The following GNA14 variants were observed in gnomAD, a reference collection of about 807,000 sequenced individuals.
GNA14 encodes the protein G protein subunit alpha 14, also known as guanine nucleotide-binding protein subunit alpha-14.
A neutral mutation model predicts 42.0 loss-of-function variants in GNA14; 50 were observed. The observed-to-expected ratio is 1.19, with a 90% CI of 0.95 to 1.51. GNA14 has a LOEUF of 1.51. Ranked by LOEUF, GNA14 falls within the 40% of genes most tolerant of loss-of-function variation. The pLI, the probability that GNA14 is intolerant of heterozygous loss-of-function variation, is 0.00. For missense variants in GNA14, 473 were observed against 446.2 expected (o/e 1.06, Z -0.54); for synonymous variants, 173 against 163.1 (o/e 1.06, Z -0.46).
intron 2 of GNA14, among the ~76,000 whole-genome samples, chr9:77,474,323 A>T (rs1836380587): frequency 6.6e-6 from 1 of 152,232 alleles, no homozygotes; most frequent in African/African-American, 2.4e-5. Context: ...ATAAGAATGC[A>T]ATTTTAAAAT....
intron 2 of GNA14, among the ~76,000 whole-genome samples, chr9:77,440,253 A>T (rs911294577): frequency 3.9e-5 from 6 of 152,214 alleles, no homozygotes; most frequent in African/African-American, 1.4e-4. Context: ...CAGTAAAAGG[A>T]GCTGCTGATG....
rs546464948 is a variant in GNA14, at chr9:77,506,090, C to T, written c.309+22979G>A. Among the ~76,000 whole-genome samples the T allele has an allele frequency of 4.2e-4, 64 of 151,218 alleles. No homozygotes were observed. In the South Asian group the frequency reaches 0.013, roughly 31 times the overall value. ...ATTAGTCTGGACCACACAGAGAGAC[C>T]CCATCCTCTACAAAAAAAAAATAAT... is the stretch of plus-strand genomic sequence containing the variant. On this transcript the variant is annotated intron_variant, in intron 2 of 6. Transcript: ENST00000341700.
intron 1 of GNA14, among the ~76,000 whole-genome samples, chr9:77,625,639 T>G (rs571352483): frequency 1.5e-3 from 236 of 152,280 alleles, no homozygotes; most frequent in African/African-American, 4.5e-3. Flanking sequence ...CAAACTAAGC[T>G]TCATAAGCAA....
intron 2 of GNA14, among the ~76,000 whole-genome samples, chr9:77,473,611 A>ATTT (rs200957339): frequency 1.1e-4 from 14 of 132,558 alleles, no homozygotes; most frequent in African/African-American, 2.7e-4. Flanking sequence ...TTTCACCTGG[A>ATTT]TTTTTTTTTT....
At chr9:77,635,749 C>T (rs181034490) in intron 1 of GNA14, among the ~76,000 whole-genome samples, 1 of 152,120 alleles carries the variant, frequency 6.6e-6, no homozygotes, top group Non-Finnish European at 1.5e-5. Flanking sequence ...GCCTTAGAAA[C>T]TAGGAAATTC....
intron 1 of GNA14, among the ~76,000 whole-genome samples, chr9:77,636,374 T>C (rs1019979919): frequency 7.2e-5 from 11 of 152,184 alleles, no homozygotes; most frequent in African/African-American, 2.7e-4. Flanking sequence ...CACAAAATAT[T>C]AGAATTTGTC....
At chr9:77,446,685 G>A (rs368176466) in intron 2 of GNA14, among the ~76,000 whole-genome samples, 77 of 152,302 alleles carry the variant, frequency 5.1e-4, no homozygotes, top group African/African-American at 1.7e-3. Context: ...GAATGACTGT[G>A]GAGCAGAGCC....
chr9:77,618,144 A>C (rs1005568891), intron 1 of GNA14, among the ~76,000 whole-genome samples: 20 of 152,052 alleles, frequency 1.3e-4, no homozygotes, highest in Admixed American at 2.0e-4. Flanking sequence ...TTGATTTAAA[A>C]AACAACAACA....
intron 1 of GNA14, among the ~76,000 whole-genome samples, chr9:77,570,339 T>C (rs760645236): frequency 1.3e-5 from 2 of 152,150 alleles, no homozygotes; most frequent in Admixed American, 6.5e-5. Context: ...GAACATCTTA[T>C]CATGTTTTAA....
At chr9:77,625,039 A>C (rs564576984) in intron 1 of GNA14, among the ~76,000 whole-genome samples, 44 of 152,170 alleles carry the variant, frequency 2.9e-4, no homozygotes, top group African/African-American at 1.0e-3. Flanking sequence ...TAACTAGAAT[A>C]AACAGTTTAG....
At chr9:77,491,061 G>A (rs369386472) in intron 2 of GNA14, among the ~76,000 whole-genome samples, 5 of 152,232 alleles carry the variant, frequency 3.3e-5, no homozygotes, top group East Asian at 1.9e-4. Context: ...GGAGGAAGTC[G>A]AATGACATTT....
intron 2 of GNA14, among the ~76,000 whole-genome samples, chr9:77,501,424 G>A (rs1002749956): frequency 6.6e-6 from 1 of 152,060 alleles, no homozygotes; most frequent in African/African-American, 2.4e-5. Flanking sequence ...ACCTCATTGT[G>A]ATTTTAATTT....
At chr9:77,489,765 G>C (rs184588405) in intron 2 of GNA14, among the ~76,000 whole-genome samples, 1 of 152,200 alleles carries the variant, frequency 6.6e-6, no homozygotes, top group Middle Eastern at 3.4e-3. Flanking sequence ...TCGTGGTCTC[G>C]CTGGGCTCAG....
chr9:77,542,151 G>A (rs1008201158), intron 1 of GNA14, among the ~76,000 whole-genome samples: 5 of 152,072 alleles, frequency 3.3e-5, no homozygotes, highest in South Asian at 4.1e-4. Flanking sequence ...AACAGTCCAA[G>A]TTTTTGAATT....
In GNA14 at chr9:77,524,303, G is replaced by A. The variant is rs756162955; in HGVS notation, c.309+4766C>T. Among the ~76,000 whole-genome samples, 193 of 152,100 alleles carry A rather than the reference G, an allele frequency of 1.3e-3. 1 individual carries two copies. The highest frequency in any genetic ancestry group is 1.1e-3 in the Non-Finnish European group (78 of 68,026). On this transcript the variant is annotated intron_variant, in intron 2 of 6. Coordinates refer to ENST00000341700, the MANE Select transcript of GNA14 (RefSeq NM_004297.4). ...TTCCGATAAATTTCCTTTAATAAGT[G>A]GCCTGTCAAGTAATAGGCAAAGACT...
rs1002043304 is a variant in GNA14, at chr9:77,648,026, G to C, written c.-233C>G. On this transcript the variant is annotated 5_prime_UTR_variant, in exon 1 of 7. In the 5' UTR this introduces an upstream ATG that the reference lacks. Transcript: ENST00000341700. ...GCTGGGAACGCTCGAGTGCACCCCG[G>C]ATCCGGGCTCAGCCCGCCCCACTCT... 5 of 536,376 alleles carry C rather than the reference G, an allele frequency of 9.3e-6. No individual in the cohort carries two copies. The highest frequency in any genetic ancestry group is 2.5e-5 in the South Asian group (1 of 40,750). 33.2% of individuals were successfully genotyped at this position (536,376 alleles called of 1,614,324 possible).
intron 1 of GNA14, among the ~76,000 whole-genome samples, chr9:77,613,146 C>T (rs1823759592): frequency 6.6e-6 from 1 of 152,182 alleles, no homozygotes; most frequent in African/African-American, 2.4e-5. Flanking sequence ...GACCAGGGCC[C>T]CATCTCCATG....
At chr9:77,605,058 T>C (rs1427988724) in intron 1 of GNA14, among the ~76,000 whole-genome samples, 2 of 152,240 alleles carry the variant, frequency 1.3e-5, no homozygotes, top group Admixed American at 1.3e-4. Context: ...AGACACTCGG[T>C]TTAAATGTCA....
intron 1 of GNA14, among the ~76,000 whole-genome samples, chr9:77,630,066 G>C (rs1003803245): frequency 6.6e-6 from 1 of 151,358 alleles, no homozygotes; most frequent in African/African-American, 2.4e-5. Context: ...AACAATATTA[G>C]AATGTTTAGA....
Sources: gnomAD v4.1 joint callset for allele counts (sites outside exome capture counted in the v4.1 genomes callset) on GRCh38, gnomAD v4.1.1 for gene constraint, MANE v1.5 for transcripts, NCBI Gene and HGNC (gene_info 2026-07-23, HGNC 2026-07-21) for gene names.